The following TRAF3IP1 variants were observed in gnomAD, a reference collection of about 807,000 sequenced individuals.
TRAF3IP1 encodes the protein intraflagellar transport 54.
A neutral mutation model predicts 89.9 loss-of-function variants in TRAF3IP1; 53 were observed. The ratio of observed to expected loss-of-function variants is 0.59; its 90% CI spans 0.47 to 0.74. The LOEUF is 0.74. TRAF3IP1 is among the 30% of genes least tolerant of loss of function. TRAF3IP1 has a pLI of 0.00. For missense variants in TRAF3IP1, 806 were observed against 866.1 expected (o/e 0.93, Z 0.87); for synonymous variants, 311 against 322.1 (o/e 0.97, Z 0.37).
Position 238,365,715 on chromosome 2 carries a change from C to T in TRAF3IP1, c.1689+9635C>T, listed in dbSNP as rs545822159. 1.4e-4 allele frequency among the ~76,000 whole-genome samples: 21 copies of T among 151,960 alleles called. No homozygotes were observed. The South Asian group carries it at 4.2e-3, about 30-fold the overall frequency. ...AAATAAAAATAAAAAGAGACATACT[C>T]TGTTGGTAAGACTTTAATAGTTAAA... On this transcript the variant is annotated intron_variant, in intron 15 of 16. Coordinates refer to ENST00000373327, the MANE Select transcript of TRAF3IP1 (RefSeq NM_015650.4).
rs562900872 is a variant in TRAF3IP1 at position 238,376,716 on chromosome 2, T to TTA, written c.1689+20638_1689+20639dup. On this transcript the variant is annotated intron_variant, in intron 15 of 16. Coordinates refer to ENST00000373327, the MANE Select transcript of TRAF3IP1 (RefSeq NM_015650.4). ...ATCTGCTATTATAAATACTGTATATTTATTTAAAATTGTTTTCTAGTTGTT... is the reference window on the plus strand; with the variant it reads ...ATCTGCTATTATAAATACTGTATATTTATATTTAAAATTGTTTTCTAGTTGTT... Among the ~76,000 whole-genome samples the TTA allele has an allele frequency of 8.2e-4, 125 of 151,624 alleles. 1 individual carries two copies. The highest frequency in any genetic ancestry group is 2.9e-3 in the African/African-American group (118 of 40,892).
chr2:238,398,904 G>A lies in TRAF3IP1; in HGVS notation c.2061G>A (p.Leu687=). ...KIQKMVYSIN[L]TSRR ...AGAAAATGGTATATAGTATCAATTT[G>A]ACTTCGAGAAGGTGAACACTCAAAA... is the stretch of plus-strand genomic sequence containing the variant. Residue 687 remains leucine (L), a synonymous_variant, in exon 17 of 17, where the codon TTG becomes TTA. Transcript: ENST00000373327. The A allele has an allele frequency of 3.7e-6, 6 of 1,603,950 alleles. No individual in the cohort carries two copies. The highest frequency in any genetic ancestry group is 5.1e-6 in the Non-Finnish European group (6 of 1,177,522).
rs191126368 is a variant in TRAF3IP1 at position 238,392,139 on chromosome 2, G to A, written c.1690-5320G>A. ...AGCCCCAGCTACTTTGGCAGGCTGA[G>A]GCAGGAGAATCGCTTGAGCCCAGGA... On this transcript the variant is annotated intron_variant, in intron 15 of 16. Transcript: ENST00000373327. Among the ~76,000 whole-genome samples, 5 of 152,340 alleles carry A rather than the reference G, an allele frequency of 3.3e-5. No individual in the cohort carries two copies. The East Asian group carries it at 7.7e-4, about 24-fold the overall frequency.
chr2:238,397,697 G>T lies in TRAF3IP1; in HGVS notation c.1910+18G>T. ...GAGCAGAGGTGGGGGGTAGTAATGG[G>T]GAGGGGGCCCTGCAGCAGGAGCAGA... is the stretch of plus-strand genomic sequence containing the variant. On this transcript the variant is annotated intron_variant, in intron 16 of 16. Coordinates refer to ENST00000373327, the MANE Select transcript of TRAF3IP1 (RefSeq NM_015650.4). 6.5e-7 allele frequency: 1 copy of T among 1,535,834 alleles called. No individual in the cohort carries two copies. Among genetic ancestry groups the T allele is most frequent in the Non-Finnish European group, 8.8e-7 (1 of 1,130,286 alleles).
chr2:238,347,468 T>C lies in TRAF3IP1; in HGVS notation c.1275T>C (p.Ser425=). The C allele has an allele frequency of 6.2e-7, 1 of 1,614,124 alleles. No homozygotes were observed. Among genetic ancestry groups the C allele is most frequent in the East Asian group, 2.2e-5 (1 of 44,864 alleles). The change falls in exon 10 of 17, where the codon AGT becomes AGC. Residue 425 remains serine (S), a synonymous_variant. Transcript: ENST00000373327. ...CTTTTTCTTTAGGTGACTCCACCAG[T>C]GATGCAGGTGAGGAATGGCCTTAGA... The part of the protein sequence containing the change: ...PTEKQKGDST[S]DAEGDAGPAG...
intron 15 of TRAF3IP1, among the ~76,000 whole-genome samples, chr2:238,381,819 T>C (rs1574966023): frequency 6.6e-6 from 1 of 152,158 alleles, no homozygotes; most frequent in African/African-American, 2.4e-5. Context: ...TCTGTAAATA[T>C]GTTCATCATG....
chr2:238,320,549 C>A lies in TRAF3IP1; in HGVS notation c.-114C>A. The A allele has an allele frequency of 9.7e-7, 1 of 1,028,346 alleles. No individual in the cohort carries two copies. 63.7% of individuals were successfully genotyped at this position (1,028,346 alleles called of 1,614,324 possible). A position where few individuals can be genotyped will look rare whatever the true frequency, so the allele number is the denominator to read the frequency against. ...TGGGATGGAAACCGGAGCGGCGCGT[C>A]CTGGCAGGACCGGGCGGCGGCGGCG... On this transcript the variant is annotated 5_prime_UTR_variant, in exon 1 of 17. Transcript: ENST00000373327.
At chr2:238,320,846 C>T in intron 1 of TRAF3IP1, 61 bp downstream of exon 1, 1 of 1,278,548 alleles carries the variant, frequency 7.8e-7, no homozygotes, top group Non-Finnish European at 1.0e-6. Flanking sequence ...GCGCCGAGGT[C>T]AGGGCCCGGG....
intron 1 of TRAF3IP1, among the ~76,000 whole-genome samples, chr2:238,322,133 G>T (rs1215175497): frequency 6.6e-6 from 1 of 152,188 alleles, no homozygotes; most frequent in East Asian, 1.9e-4. Flanking sequence ...ACAATGTGCC[G>T]CATCACCACC....
chr2:238,338,241 A>C (rs1574908277), intron 7 of TRAF3IP1, 121 bp from the exon 8 acceptor site: 1 of 560,062 alleles, frequency 1.8e-6, no homozygotes, highest in East Asian at 3.1e-5. Context: ...TTGACCATTT[A>C]GTTGACAAGA....
Position 238,345,195 on chromosome 2 carries a change from T to C in TRAF3IP1, c.1261+597T>C, listed in dbSNP as rs4663305. Reference sequence around the variant, plus strand: ...GGTGTGGCCAGGGGAGGGCTGATGTTTGTTGATTTGTTCAAACAGAAAATT... The same window carrying C: ...GGTGTGGCCAGGGGAGGGCTGATGTCTGTTGATTTGTTCAAACAGAAAATT... On this transcript the variant is annotated intron_variant, in intron 9 of 16. Transcript: ENST00000373327. The surrounding 1 kb of genome is among the most constrained non-coding windows in gnomAD (Gnocchi z 4.7). 0.28 allele frequency among the ~76,000 whole-genome samples: 43,178 copies of C among 152,066 alleles called. 6,270 individuals are homozygous for C. Among genetic ancestry groups the C allele is most frequent in the African/African-American group, 0.32 (13,122 of 41,486 alleles).
At chr2:238,340,383 C>T (rs937612068) in intron 8 of TRAF3IP1, among the ~76,000 whole-genome samples, 8 of 152,146 alleles carry the variant, frequency 5.3e-5, no homozygotes, top group Non-Finnish European at 1.0e-4. Flanking sequence ...TTGTCAAAGC[C>T]GGCCTTTGTT....
intron 1 of TRAF3IP1, among the ~76,000 whole-genome samples, chr2:238,324,849 G>A (rs111731391): frequency 1.3e-5 from 2 of 151,768 alleles, no homozygotes; most frequent in Admixed American, 6.6e-5. Flanking sequence ...TGATTTGTCC[G>A]CCTCAGCCTC....
rs1264202792 is a variant in TRAF3IP1 at position 238,325,328 on chromosome 2, T to C, written c.146T>C (p.Met49Thr). 1 of 1,614,028 alleles carries C rather than the reference T, an allele frequency of 6.2e-7. No homozygotes were observed. The highest frequency in any genetic ancestry group is 8.5e-7 in the Non-Finnish European group (1 of 1,180,030). Residue 49 changes from methionine (M) to threonine (T), a missense_variant, in exon 2 of 17, where the codon ATG becomes ACG. Transcript: ENST00000373327. The part of the protein sequence containing the change: ...ITEVIRMTGF[M>T]KGLYTDAEMK... ...AAGGTGATTAGAATGACTGGTTTCA[T>C]GAAGGGCCTCTACACAGACGCCGAG... is the stretch of plus-strand genomic sequence containing the variant.
At chr2:238,322,767 C>T (rs888091760) in intron 1 of TRAF3IP1, among the ~76,000 whole-genome samples, 1 of 150,986 alleles carries the variant, frequency 6.6e-6, no homozygotes, top group Non-Finnish European at 1.5e-5. Context: ...TTGCATGTTC[C>T]CAATTAGGAA....
Position 238,379,115 on chromosome 2 carries a change from C to G in TRAF3IP1, c.1690-18344C>G, listed in dbSNP as rs1227155192. ...TCTCCTTGTTTCCTGTCGACTCACT[C>G]TTTGGTCGTCTGTGTGTCACTGGGG... On this transcript the variant is annotated intron_variant, in intron 15 of 16. Coordinates refer to ENST00000373327, the MANE Select transcript of TRAF3IP1 (RefSeq NM_015650.4). The surrounding 1 kb of genome is among the most constrained non-coding windows in gnomAD (Gnocchi z 4.0). 6.6e-6 allele frequency among the ~76,000 whole-genome samples: 1 copy of G among 152,232 alleles called. No homozygotes were observed. The highest frequency in any genetic ancestry group is 1.5e-5 in the Non-Finnish European group (1 of 68,042).
intron 15 of TRAF3IP1, among the ~76,000 whole-genome samples, chr2:238,362,383 TTA>T (rs1405496287): frequency 6.6e-6 from 1 of 152,184 alleles, no homozygotes; most frequent in East Asian, 1.9e-4. Context: ...AGCTAAAACA[TTA>T]GTGGCGTAAA....
chr2:238,397,477 T>G lies in TRAF3IP1; in HGVS notation c.1708T>G (p.Ser570Ala). ...ACTGTAGGAGCGATCTCTCTTTGAG[T>G]CGGCATGGAAGAAGGAGAAGGACAT... ...PGEKERSLFE[S>A]AWKKEKDIVS... Residue 570 changes from serine (S) to alanine (A), a missense_variant, in exon 16 of 17, where the codon TCG (serine) becomes GCG (alanine). Transcript: ENST00000373327. 6.2e-7 allele frequency: 1 copy of G among 1,612,820 alleles called. No homozygotes were observed. Among genetic ancestry groups the G allele is most frequent in the Non-Finnish European group, 8.5e-7 (1 of 1,179,844 alleles).
rs747134709 is a variant in TRAF3IP1, at chr2:238,320,765, C to T, written c.103C>T (p.Leu35=). ...KLLSKPPFRY[L]HDIITEVIRM... is the part of the protein sequence containing the mutation. ...GCTGAGCAAGCCCCCGTTCCGCTAC[C>T]TGCACGACATCATCACGGAGGTGGG... Residue 35 remains leucine (L), a synonymous_variant, in exon 1 of 17, where the codon CTG becomes TTG. Transcript: ENST00000373327. The T allele has an allele frequency of 2.8e-6, 4 of 1,429,124 alleles. No homozygotes were observed. In the African/African-American group the frequency reaches 4.5e-5, roughly 16 times the overall value. 88.5% of individuals were successfully genotyped at this position (1,429,124 alleles called of 1,614,324 possible).
Sources: allele counts gnomAD v4.1 joint callset (sites outside exome capture counted in the v4.1 genomes callset), GRCh38; gene constraint gnomAD v4.1.1; non-coding constraint Gnocchi (gnomAD v3.1); transcripts MANE v1.5; gene names NCBI Gene and HGNC (gene_info 2026-07-23, HGNC 2026-07-21).